The following MEGF6 variants were observed in gnomAD, a reference collection of about 807,000 sequenced individuals.
The protein encoded by MEGF6 is multiple epidermal growth factor-like domains protein 6.
Under a neutral mutation model 207.1 loss-of-function variants are expected in MEGF6, and 184 were observed. The ratio of observed to expected loss-of-function variants is 0.89; its 90% CI spans 0.79 to 1.00. MEGF6 has a LOEUF of 1.00. MEGF6 is among the 50% of genes least tolerant of loss of function. The pLI, the probability that MEGF6 is intolerant of heterozygous loss-of-function variation, is 0.00. For missense variants in MEGF6, 2,282 were observed against 2,202.9 expected, an observed-to-expected ratio of 1.04 and a Z score of -0.72; for synonymous variants, 1,038 against 910.0, an observed-to-expected ratio of 1.14 and a Z score of -2.53.
chr1:3,562,707 C>T (rs1013580252), intron 4 of MEGF6, among the ~76,000 whole-genome samples: 1 of 152,244 alleles, frequency 6.6e-6, no homozygotes, highest in African/African-American at 2.4e-5. Flanking sequence ...CCAGGCTGGA[C>T]CAGCCAAACC....
intron 4 of MEGF6, among the ~76,000 whole-genome samples, chr1:3,576,438 TG>T (rs917228251): frequency 1.3e-5 from 2 of 152,214 alleles, no homozygotes; most frequent in African/African-American, 2.4e-5. Context: ...TGAAATAATT[TG>T]GGGGAACCAG....
chr1:3,531,124 A>T, intron 4 of MEGF6: 2 of 1,529,140 alleles, frequency 1.3e-6, no homozygotes, highest in Non-Finnish European at 1.8e-6. Flanking sequence ...GGCCTGGCCC[A>T]GGTGACATGG....
Position 3,490,589 on chromosome 1 carries a change from G to A in MEGF6, c.4565C>T (p.Ala1522Val), listed in dbSNP as rs201358713. Reference sequence around the variant, plus strand: ...TCTGCTGGAGGCGGGCAGTGTGCCCGCTGGGGAAAAGGAGAAAAGAGGGCC... The same window carrying A: ...TCTGCTGGAGGCGGGCAGTGTGCCCACTGGGGAAAAGGAGAAAAGAGGGCC... ...PENPSLAQGS[A>V]GTLPASSRPT... Residue 1522 changes from alanine (A) to valine (V), a missense_variant and splice_region_variant, in exon 37 of 37, where the codon GCG becomes GTG. Physicochemically the swap from Ala to Val is moderately conservative, Grantham distance 64. Coordinates refer to ENST00000356575, the MANE Select transcript of MEGF6 (RefSeq NM_001409.4). 111 of 1,613,064 alleles carry A rather than the reference G, an allele frequency of 6.9e-5. No homozygotes were observed. Among genetic ancestry groups the A allele is most frequent in the Admixed American group, 2.5e-4 (15 of 59,902 alleles).
At position 3,611,203 on chromosome 1, in the gene MEGF6, C is replaced by G. The variant is rs753508170; in HGVS notation, c.66G>C (p.Leu22=). The change falls in exon 1 of 37, where the codon CTG becomes CTC. Residue 22 remains leucine, a synonymous_variant. Transcript: ENST00000356575. ...RAVVLALVLL[L]LPAVPVGASV... ...TGGCGCCCACGGGCACGGCGGGGAG[C>G]AGCAGCAGCACCAACGCCAGGACCA... The G allele has an allele frequency of 3.9e-6, 6 of 1,553,840 alleles. No individual in the cohort carries two copies. Among genetic ancestry groups the G allele is most frequent in the Non-Finnish European group, 5.2e-6 (6 of 1,160,336 alleles).
chr1:3,552,340 C>T (rs1272748051), intron 4 of MEGF6, among the ~76,000 whole-genome samples: 2 of 152,234 alleles, frequency 1.3e-5, no homozygotes, highest in African/African-American at 4.8e-5. Flanking sequence ...CTGCCTGGGG[C>T]TGCGCCTGAT....
intron 4 of MEGF6, among the ~76,000 whole-genome samples, chr1:3,572,103 C>T (rs1643516716): frequency 7.0e-6 from 1 of 142,804 alleles, no homozygotes; most frequent in Non-Finnish European, 1.5e-5. Context: ...CCCGGGTGTG[C>T]TGGGTCCTTC....
At chr1:3,603,808 T>G (rs1290224345) in intron 1 of MEGF6, among the ~76,000 whole-genome samples, 1 of 151,726 alleles carries the variant, frequency 6.6e-6, no homozygotes, top group Non-Finnish European at 1.5e-5. Flanking sequence ...ACTCAGAGAC[T>G]GCCCGCCCCG....
intron 26 of MEGF6, 87 bp downstream of exon 26, chr1:3,498,284 G>A (rs1033333534): frequency 1.7e-5 from 25 of 1,462,682 alleles, no homozygotes; most frequent in Middle Eastern, 2.5e-4. Context: ...GCCCCAAACC[G>A]GGCACAGTCC....
intron 4 of MEGF6, among the ~76,000 whole-genome samples, chr1:3,526,437 G>A (rs1021304544): frequency 9.3e-5 from 13 of 140,474 alleles, no homozygotes; most frequent in Admixed American, 4.6e-4. Context: ...TCGCTCTGTC[G>A]CCCAGGCTGG....
In MEGF6 at chr1:3,499,187, G is replaced by A. The variant is rs375113372; in HGVS notation, c.3045C>T (p.His1015=). ...CFNGASCDPV[H]GQCHCAPGWM... is the part of the protein sequence containing the mutation. The stretch of plus-strand genomic sequence containing the variant: ...AGCCAGGGGCACAGTGGCACTGCCC[G>A]TGGACAGGGTCACAGGAGGCCCCGT... Residue 1015 remains histidine, a synonymous_variant, in exon 24 of 37, where the codon CAC becomes CAT. Coordinates refer to ENST00000356575, the MANE Select transcript of MEGF6 (RefSeq NM_001409.4). 2.8e-5 allele frequency: 45 copies of A among 1,603,854 alleles called. 1 individual carries two copies. Among genetic ancestry groups the A allele is most frequent in the Admixed American group, 1.0e-4 (6 of 58,842 alleles).
Position 3,565,355 on chromosome 1 carries a change from G to C in MEGF6, c.481+14470C>G, listed in dbSNP as rs1643314111. ...CAGAGTTCACCAAGTTCCCTTCCTA[G>C]CTGGACCTTAAAACCCCCCGGGTCC... On this transcript the variant is annotated intron_variant, in intron 4 of 36. Coordinates refer to ENST00000356575, the MANE Select transcript of MEGF6 (RefSeq NM_001409.4). This position sits in a 1 kb window ranked among gnomAD's most constrained non-coding sequence, Gnocchi z 4.8. Among the ~76,000 whole-genome samples, 1 of 151,328 alleles carries C rather than the reference G, an allele frequency of 6.6e-6. No homozygotes were observed. The highest frequency in any genetic ancestry group is 1.5e-5 in the Non-Finnish European group (1 of 67,998).
At chr1:3,494,279 CA>C (rs1053412653) in intron 32 of MEGF6, 91 bp downstream of exon 32, 26 of 1,473,398 alleles carry the variant, frequency 1.8e-5, no homozygotes, top group Non-Finnish European at 2.2e-5. Context: ...CCCACCTCCC[CA>C]CCACTTCACT....
intron 2 of MEGF6, 50 bp downstream of exon 2, chr1:3,602,416 G>A (rs766971486): frequency 2.5e-5 from 41 of 1,611,386 alleles, no homozygotes; most frequent in Middle Eastern, 1.7e-4. Flanking sequence ...GGTCAGTGCC[G>A]CCCTTTGTGT....
chr1:3,512,541 G>A (rs1263140029), intron 7 of MEGF6, among the ~76,000 whole-genome samples: 1 of 152,242 alleles, frequency 6.6e-6, no homozygotes, highest in Non-Finnish European at 1.5e-5. Context: ...CCCGGTGGGA[G>A]GTGATTGAAT....
chr1:3,543,402 T>A (rs576633142), intron 4 of MEGF6, among the ~76,000 whole-genome samples: 1 of 152,194 alleles, frequency 6.6e-6, no homozygotes, highest in Admixed American at 6.5e-5. Flanking sequence ...CCCTGAGCCA[T>A]GCGCTCACTC....
rs377446273 is a variant in MEGF6 at position 3,560,569 on chromosome 1, A to G, written c.481+19256T>C. On this transcript the variant is annotated intron_variant, in intron 4 of 36. Transcript: ENST00000356575. The surrounding 1 kb of genome is among the most constrained non-coding windows in gnomAD (Gnocchi z 4.0). ...TGTCCTCACTCAGCAACTTGCATTG[A>G]GGGGCTGAGAGGCCCCCCTGTTCTC... 13 of 353,682 alleles carry G rather than the reference A, an allele frequency of 3.7e-5. 1 individual carries two copies. In the East Asian group the frequency reaches 6.5e-4, roughly 18 times the overall value. The allele number at this position is 353,682 out of a possible 1,614,324, so 21.9% of individuals were successfully genotyped here.
upstream of MEGF6, among the ~76,000 whole-genome samples, chr1:3,611,987 C>T (rs1644334808): frequency 6.6e-6 from 1 of 152,130 alleles, no homozygotes; most frequent in Admixed American, 6.5e-5. Flanking sequence ...TCAAGTCCCA[C>T]GGGGAAGCCA....
intron 15 of MEGF6, 80 bp downstream of exon 15, chr1:3,506,028 G>T: frequency 6.7e-7 from 1 of 1,488,130 alleles, no homozygotes; most frequent in South Asian, 1.3e-5. Flanking sequence ...TCCTAACCCA[G>T]ACTACAGGTA....
chr1:3,501,986 C>T, intron 17 of MEGF6, 65 bp from the exon 18 acceptor site: 2 of 1,539,972 alleles, frequency 1.3e-6, no homozygotes, highest in Non-Finnish European at 1.7e-6. Context: ...GAGCCTTTCC[C>T]CCAGGGGCTC....
Sources: allele counts gnomAD v4.1 joint callset (sites outside exome capture counted in the v4.1 genomes callset), GRCh38; gene constraint gnomAD v4.1.1; non-coding constraint Gnocchi (gnomAD v3.1); transcripts MANE v1.5; gene names NCBI Gene and HGNC (gene_info 2026-07-23, HGNC 2026-07-21).